C17orf100: variants seen among roughly 807,000 people sequenced by gnomAD.
C17orf100 encodes uncharacterized protein C17orf100.
In C17orf100, 1 loss-of-function variant was observed where a neutral mutation model predicts 0.7. The ratio of observed to expected loss-of-function variants is 1.50; its 90% CI spans 0.53 to 7.13. The LOEUF (loss-of-function observed/expected upper bound fraction) is 7.13. Ranked by LOEUF, C17orf100 falls within the 30% of genes most tolerant of loss-of-function variation. The probability of loss-of-function intolerance (pLI) is 0.14; values close to 1 mark genes in which losing one functional copy is unlikely to be tolerated. For missense variants in C17orf100, 168 were observed against 171.5 expected (o/e 0.98, Z 0.11); for synonymous variants, 87 against 84.0 (o/e 1.04, Z -0.20).
At position 6,652,560 on chromosome 17, in the gene C17orf100, T is replaced by C. The variant is rs1972854373; in HGVS notation, c.*290T>C. The C allele has an allele frequency of 7.8e-7, 1 of 1,280,782 alleles. No individual in the cohort carries two copies. Among genetic ancestry groups the C allele is most frequent in the South Asian group, 1.6e-5 (1 of 61,116 alleles). The allele number at this position is 1,280,782 out of a possible 1,614,324, so 79.3% of individuals were successfully genotyped here. ...CAGGATGCTGTCTAAATCGGGTTGA[T>C]GGACAAAGAGAGGCTGTTTGAGCCT... is the stretch of plus-strand genomic sequence containing the variant. On this transcript the variant is annotated 3_prime_UTR_variant, in exon 1 of 1. Transcript: ENST00000542475.
At position 6,652,142 on chromosome 17, in the gene C17orf100, C is replaced by G. The variant is rs751826577; in HGVS notation, c.229C>G (p.Arg77Gly). The G allele has an allele frequency of 3.8e-6, 6 of 1,597,998 alleles. No homozygotes were observed. The African/African-American group carries it at 8.0e-5, about 21-fold the overall frequency. ...SSRHVESSSQ[R>G]TETTSRHVRA... ...CCGGCACGTGGAATCCTCCTCGCAG[C>G]GCACGGAAACGACCTCCCGCCACGT... is the stretch of plus-strand genomic sequence containing the variant. Residue 77 changes from arginine to glycine, a missense_variant, in exon 1 of 1, where the codon CGC becomes GGC. Coordinates refer to ENST00000542475, the MANE Select transcript of C17orf100 (RefSeq NM_001105520.2).
chr17:6,652,261 G>C lies in C17orf100; in HGVS notation c.348G>C (p.Thr116=). 1 of 1,611,462 alleles carries C rather than the reference G, an allele frequency of 6.2e-7. No individual in the cohort carries two copies. The highest frequency in any genetic ancestry group is 8.5e-7 in the Non-Finnish European group (1 of 1,179,762). ...AKPAARQNEK[T]AR is the part of the protein sequence containing the mutation. ...CGGCCGCCCGCCAGAACGAAAAAAC[G>C]GCCCGATGAGATGCTGCTTCCCAAA... The change falls in exon 1 of 1, where the codon ACG becomes ACC. Residue 116 remains threonine (T), a synonymous_variant. Transcript: ENST00000542475.
Position 6,652,679 on chromosome 17 carries a change from C to A in C17orf100, c.*409C>A. The A allele has an allele frequency of 3.9e-6, 1 of 254,464 alleles. No homozygotes were observed. Among genetic ancestry groups the A allele is most frequent in the Non-Finnish European group, 7.8e-6 (1 of 127,596 alleles). The allele number at this position is 254,464 out of a possible 1,614,324, so 15.8% of individuals were successfully genotyped here. On this transcript the variant is annotated 3_prime_UTR_variant, in exon 1 of 1. Transcript: ENST00000542475. ...TGAAATAATGACCTGTGGAATGATT[C>A]CATGCCTGCTAAAAACTCGAGGGAC...
chr17:6,652,314 C>A lies in C17orf100; in HGVS notation c.*44C>A. On this transcript the variant is annotated 3_prime_UTR_variant, in exon 1 of 1. Transcript: ENST00000542475. The stretch of plus-strand genomic sequence containing the variant: ...CCACCAAGGGGCCAGGGCCCTCAGC[C>A]AGGACAGAAAGGCCTCCAGTTGCCA... The A allele has an allele frequency of 1.2e-6, 2 of 1,606,614 alleles. No individual in the cohort carries two copies. The highest frequency in any genetic ancestry group is 2.2e-5 in the East Asian group (1 of 44,598).
chr17:6,652,514 A>G lies in C17orf100; in HGVS notation c.*244A>G, dbSNP rs902510641. The G allele has an allele frequency of 2.1e-6, 3 of 1,428,580 alleles. No homozygotes were observed. Among genetic ancestry groups the G allele is most frequent in the Admixed American group, 3.0e-5 (1 of 33,634 alleles). The allele number at this position is 1,428,580 out of a possible 1,614,324, so 88.5% of individuals were successfully genotyped here. Reference sequence around the variant, plus strand: ...CAGTGAACTATTTTCACTTGAAGCCAGCACAGAAGGTTTTCAGGCCCAGGA... The same window carrying G: ...CAGTGAACTATTTTCACTTGAAGCCGGCACAGAAGGTTTTCAGGCCCAGGA... On this transcript the variant is annotated 3_prime_UTR_variant, in exon 1 of 1. Coordinates refer to ENST00000542475, the MANE Select transcript of C17orf100 (RefSeq NM_001105520.2).
chr17:6,652,486 A>T lies in C17orf100; in HGVS notation c.*216A>T, dbSNP rs893998315. 4 of 1,449,516 alleles carry T rather than the reference A, an allele frequency of 2.8e-6. No homozygotes were observed. The African/African-American group carries it at 5.7e-5, about 21-fold the overall frequency. 89.8% of individuals were successfully genotyped at this position (1,449,516 alleles called of 1,614,324 possible). On this transcript the variant is annotated 3_prime_UTR_variant, in exon 1 of 1. Coordinates refer to ENST00000542475, the MANE Select transcript of C17orf100 (RefSeq NM_001105520.2). Reference sequence around the variant, plus strand: ...TGCGTCTTGGACCAGCCTACTTTTGACCCAGTGAACTATTTTCACTTGAAG... The same window carrying T: ...TGCGTCTTGGACCAGCCTACTTTTGTCCCAGTGAACTATTTTCACTTGAAG...
Position 6,651,896 on chromosome 17 carries a change from C to G in C17orf100, c.-18C>G. 1.4e-6 allele frequency: 2 copies of G among 1,466,414 alleles called. No individual in the cohort carries two copies. The highest frequency in any genetic ancestry group is 2.6e-5 in the Admixed American group (1 of 38,768). The allele number at this position is 1,466,414 out of a possible 1,614,324, so 90.8% of individuals were successfully genotyped here. ...GTAGGGTGCCCCGAGGCCTCCCTGG[C>G]CCCCTCACGCCGGCAGAATGGCCTC... On this transcript the variant is annotated 5_prime_UTR_variant, in exon 1 of 1. Coordinates refer to ENST00000542475, the MANE Select transcript of C17orf100 (RefSeq NM_001105520.2).
In C17orf100 at chr17:6,651,886, GC is replaced by G. The variant is rs1419165877; in HGVS notation, c.-26del. On this transcript the variant is annotated 5_prime_UTR_variant, in exon 1 of 1. Transcript: ENST00000542475. ...CCATTGGGCTGTAGGGTGCCCCGAG[GC>G]CTCCCTGGCCCCCTCACGCCGGCAG... is the stretch of plus-strand genomic sequence containing the variant. The G allele has an allele frequency of 8.9e-6, 13 of 1,459,850 alleles. No individual in the cohort carries two copies. Among genetic ancestry groups the G allele is most frequent in the Non-Finnish European group, 1.2e-5 (13 of 1,104,232 alleles). 90.4% of individuals were successfully genotyped at this position (1,459,850 alleles called of 1,614,324 possible). A position where few individuals can be genotyped will look rare whatever the true frequency, so the allele number is the denominator to read the frequency against.
In C17orf100 at chr17:6,653,162, TG is replaced by T. The variant is rs1972859863; in HGVS notation, c.*893del. 1 of 166,812 alleles carries T rather than the reference TG, an allele frequency of 6.0e-6. No individual in the cohort carries two copies. The highest frequency in any genetic ancestry group is 6.5e-5 in the Admixed American group (1 of 15,290). The allele number at this position is 166,812 out of a possible 1,614,324, so 10.3% of individuals were successfully genotyped here. A position where few individuals can be genotyped will look rare whatever the true frequency, so the allele number is the denominator to read the frequency against. ...ACAGAAAGCCTGTTTTATAATAAAA[TG>T]TTGAATATCTCATGTAATTTATTGC... On this transcript the variant is annotated 3_prime_UTR_variant, in exon 1 of 1. Coordinates refer to ENST00000542475, the MANE Select transcript of C17orf100 (RefSeq NM_001105520.2).
rs1972852961 is a variant in C17orf100, at chr17:6,652,405, T to C, written c.*135T>C. 2 of 1,517,522 alleles carry C rather than the reference T, an allele frequency of 1.3e-6. No individual in the cohort carries two copies. The highest frequency in any genetic ancestry group is 1.8e-6 in the Non-Finnish European group (2 of 1,132,710). 94.0% of individuals were successfully genotyped at this position (1,517,522 alleles called of 1,614,324 possible). A position where few individuals can be genotyped will look rare whatever the true frequency, so the allele number is the denominator to read the frequency against. On this transcript the variant is annotated 3_prime_UTR_variant, in exon 1 of 1. Transcript: ENST00000542475. ...TTCATGGAAACAAACCATAAATCAA[T>C]GTAAGAAACAGCCAAGCCGCAGTTT...
chr17:6,651,856 G>A lies in C17orf100; in HGVS notation c.-58G>A. ...CGTAGTTTTCCTCTCTTCTGCCTGC[G>A]GTGACCATTGGGCTGTAGGGTGCCC... On this transcript the variant is annotated 5_prime_UTR_variant, in exon 1 of 1. Transcript: ENST00000542475. 3 of 1,449,278 alleles carry A rather than the reference G, an allele frequency of 2.1e-6. No homozygotes were observed. Among genetic ancestry groups the A allele is most frequent in the Non-Finnish European group, 2.7e-6 (3 of 1,102,214 alleles). 89.8% of individuals were successfully genotyped at this position (1,449,278 alleles called of 1,614,324 possible).
Position 6,652,306 on chromosome 17 carries a change from C to A in C17orf100, c.*36C>A. On this transcript the variant is annotated 3_prime_UTR_variant, in exon 1 of 1. Coordinates refer to ENST00000542475, the MANE Select transcript of C17orf100 (RefSeq NM_001105520.2). ...CCCAAAGGCCACCAAGGGGCCAGGGCCCTCAGCCAGGACAGAAAGGCCTCC... is the reference window on the plus strand; with the variant it reads ...CCCAAAGGCCACCAAGGGGCCAGGGACCTCAGCCAGGACAGAAAGGCCTCC... The A allele has an allele frequency of 6.2e-7, 1 of 1,608,770 alleles. No homozygotes were observed. Among genetic ancestry groups the A allele is most frequent in the Non-Finnish European group, 8.5e-7 (1 of 1,178,294 alleles).
rs1029624716 is a variant in C17orf100, at chr17:6,652,595, G to A, written c.*325G>A. The stretch of plus-strand genomic sequence containing the variant: ...GAGGCTGTTTGAGCCTCTGAGCCAG[G>A]TGAGTTTGGGATCCACAGCCCTCAG... On this transcript the variant is annotated 3_prime_UTR_variant, in exon 1 of 1. Transcript: ENST00000542475. The A allele has an allele frequency of 3.1e-6, 3 of 959,606 alleles. No individual in the cohort carries two copies. Among genetic ancestry groups the A allele is most frequent in the Non-Finnish European group, 2.8e-6 (2 of 710,230 alleles). The allele number at this position is 959,606 out of a possible 1,614,324, so 59.4% of individuals were successfully genotyped here.
At position 6,652,248 on chromosome 17, in the gene C17orf100, A is replaced by G. The variant is rs2150950583; in HGVS notation, c.335A>G (p.Gln112Arg). The G allele has an allele frequency of 6.2e-7, 1 of 1,610,514 alleles. No homozygotes were observed. ...CCGCGGGCCAAGCCGGCCGCCCGCC[A>G]GAACGAAAAAACGGCCCGATGAGAT... is the stretch of plus-strand genomic sequence containing the variant. ...PTPRAKPAAR[Q>R]NEKTAR Residue 112 changes from glutamine (Q) to arginine (R), a missense_variant, in exon 1 of 1, where the codon CAG becomes CGG. Gln to Arg is a conservative substitution (Grantham distance 43). Transcript: ENST00000542475.
Position 6,652,024 on chromosome 17 carries a change from G to C in C17orf100, c.111G>C (p.Ser37=), listed in dbSNP as rs958319161. ...CCTCGTCCCACCGCGTGGAGACGTC[G>C]TCCCGGCGGGTGGAGACCTCCCAGC... ...VETSSHRVET[S]SRRVETSQRR... is the part of the protein sequence containing the mutation. The change falls in exon 1 of 1, where the codon TCG becomes TCC. Residue 37 remains serine (S), a synonymous_variant. Coordinates refer to ENST00000542475, the MANE Select transcript of C17orf100 (RefSeq NM_001105520.2). 6.4e-7 allele frequency: 1 copy of C among 1,554,374 alleles called. No individual in the cohort carries two copies. The highest frequency in any genetic ancestry group is 1.9e-5 in the Admixed American group (1 of 51,834).
At position 6,651,952 on chromosome 17, in the gene C17orf100, G is replaced by A; in HGVS notation, c.39G>A (p.Arg13=). 3 of 1,527,080 alleles carry A rather than the reference G, an allele frequency of 2.0e-6. No homozygotes were observed. The highest frequency in any genetic ancestry group is 2.6e-6 in the Non-Finnish European group (3 of 1,132,864). 94.6% of individuals were successfully genotyped at this position (1,527,080 alleles called of 1,614,324 possible). A position where few individuals can be genotyped will look rare whatever the true frequency, so the allele number is the denominator to read the frequency against. Residue 13 remains arginine, a synonymous_variant, in exon 1 of 1, where the codon CGG becomes CGA. Transcript: ENST00000542475. ...SARGAKQSSP[R]VGTTRYTETS... ...GAGGGGCCAAGCAGTCTTCGCCCCG[G>A]GTGGGGACCACCCGCTACACAGAGA...
Position 6,652,333 on chromosome 17 carries a change from G to T in C17orf100, c.*63G>T, listed in dbSNP as rs775786644. ...CTCAGCCAGGACAGAAAGGCCTCCA[G>T]TTGCCAGCCAGCCAGCCAGCTGCCA... On this transcript the variant is annotated 3_prime_UTR_variant, in exon 1 of 1. Transcript: ENST00000542475. 3.8e-6 allele frequency: 6 copies of T among 1,597,108 alleles called. No individual in the cohort carries two copies. The South Asian group carries it at 6.7e-5, about 18-fold the overall frequency.
rs1972846918 is a variant in C17orf100, at chr17:6,652,032, G to A, written c.119G>A (p.Arg40Gln). Residue 40 changes from arginine to glutamine, a missense_variant, in exon 1 of 1, where the codon CGG (arginine) becomes CAG (glutamine). Arg to Gln is a conservative substitution (Grantham distance 43, BLOSUM62 1). Transcript: ENST00000542475. ...SSHRVETSSR[R>Q]VETSQRRSEG... ...CACCGCGTGGAGACGTCGTCCCGGC[G>A]GGTGGAGACCTCCCAGCGCCGCAGC... 1.3e-6 allele frequency: 2 copies of A among 1,555,730 alleles called. No individual in the cohort carries two copies. Among genetic ancestry groups the A allele is most frequent in the East Asian group, 2.4e-5 (1 of 41,210 alleles).
chr17:6,651,807 T>C lies in C17orf100; in HGVS notation c.-107T>C. ...ATGGTGCTTCCACGTCATCGTGTTG[T>C]GGCGCTCCCGGCTATGGCAGTACCG... On this transcript the variant is annotated 5_prime_UTR_variant, in exon 1 of 1. Transcript: ENST00000542475. The C allele has an allele frequency of 6.9e-7, 1 of 1,442,978 alleles. No individual in the cohort carries two copies. Among genetic ancestry groups the C allele is most frequent in the Non-Finnish European group, 9.1e-7 (1 of 1,103,058 alleles). The allele number at this position is 1,442,978 out of a possible 1,614,324, so 89.4% of individuals were successfully genotyped here. A position where few individuals can be genotyped will look rare whatever the true frequency, so the allele number is the denominator to read the frequency against.
Sources: gnomAD v4.1 joint callset for allele counts on GRCh38, gnomAD v4.1.1 for gene constraint, MANE v1.5 for transcripts, NCBI Gene and HGNC (gene_info 2026-07-23, HGNC 2026-07-21) for gene names.